Variants in TCF25 observed in about 807,000 individuals in gnomAD.
TCF25 encodes TCF25 ribosome quality control complex subunit, also known as ribosome quality control complex subunit TCF25.
In TCF25, 41 loss-of-function variants were observed where a neutral mutation model predicts 83.1. That is an observed-to-expected ratio of 0.49 (90% CI 0.38 to 0.64). TCF25 has a LOEUF of 0.64. TCF25 is among the 30% of genes least tolerant of loss of function. The probability of loss-of-function intolerance (pLI) is 0.00; values close to 1 mark genes in which losing one functional copy is unlikely to be tolerated. For synonymous variants in TCF25, 458 were observed against 365.0 expected, an observed-to-expected ratio of 1.25 and a Z score of -2.90; for missense variants, 979 against 914.5, an observed-to-expected ratio of 1.07 and a Z score of -0.91.
At chr16:89,899,034 C>G (rs1386092187) in intron 11 of TCF25, among the ~76,000 whole-genome samples, 162 bp downstream of exon 11, 1 of 152,220 alleles carries the variant, frequency 6.6e-6, no homozygotes, top group Non-Finnish European at 1.5e-5. Context: ...CCCTTGCCGC[C>G]TCTACGGAGT....
At chr16:89,908,461 CCCAGTTCCCACCTG>C in intron 16 of TCF25, among the ~76,000 whole-genome samples, 1 of 148,868 alleles carries the variant, frequency 6.7e-6, no homozygotes, top group African/African-American at 2.5e-5. Context: ...GTTCCCACCT[CCCAGTTCCCACCTG>C]CCAGCTCCCA....
At chr16:89,886,198 C>G (rs1019714313) in intron 4 of TCF25, 7 of 479,338 alleles carry the variant, frequency 1.5e-5, no homozygotes, top group African/African-American at 1.4e-4. Context: ...GAGGCCAAGG[C>G]AGGCGGATCA....
chr16:89,896,423 C>T (rs1047207913), intron 9 of TCF25, among the ~76,000 whole-genome samples: 1 of 152,014 alleles, frequency 6.6e-6, no homozygotes, highest in Non-Finnish European at 1.5e-5. Context: ...TAGAAGTGAG[C>T]CTGGCTGGGC....
chr16:89,883,309 C>A, intron 1 of TCF25, 42 bp from the exon 2 acceptor site: 2 of 1,604,574 alleles, frequency 1.2e-6, no homozygotes, highest in Non-Finnish European at 1.7e-6. Flanking sequence ...AGCGTTCACA[C>A]TGTAAGTAAC....
rs772673723 is a variant in TCF25 at position 89,884,620 on chromosome 16, A to C, written c.393A>C (p.Lys131Asn). 1.8e-5 allele frequency: 29 copies of C among 1,613,634 alleles called. No individual in the cohort carries two copies. The Admixed American group carries it at 2.2e-4, about 12-fold the overall frequency. ...ASGKLRKKKK[K>N]QKNKKSSTGE... is the part of the protein sequence containing the mutation. ...GCAAACTCCGGAAGAAGAAAAAAAA[A>C]CAGAAAAACAAGAAAAGCAGCACGG... The change falls in exon 3 of 18, where the codon AAA (lysine) becomes AAC (asparagine). Residue 131 changes from lysine (K) to asparagine (N), a missense_variant. Physicochemically the swap from Lys to Asn is moderately conservative, Grantham distance 94. Transcript: ENST00000263346.
At chr16:89,895,327 C>A (rs2043763978) in intron 8 of TCF25, among the ~76,000 whole-genome samples, 190 bp downstream of exon 8, 2 of 152,222 alleles carry the variant, frequency 1.3e-5, no homozygotes, top group African/African-American at 4.8e-5. Context: ...ATGCCACAGC[C>A]TCCCGAGTAG....
chr16:89,893,606 C>A (rs2043595318), intron 6 of TCF25, 122 bp from the exon 7 acceptor site: 2 of 1,488,258 alleles, frequency 1.3e-6, no homozygotes, highest in East Asian at 2.3e-5. Flanking sequence ...AGTACACACT[C>A]AGGTCAAGTT....
intron 4 of TCF25, among the ~76,000 whole-genome samples, chr16:89,887,216 C>CAA (rs1347942484): frequency 9.2e-5 from 14 of 151,990 alleles, no homozygotes; most frequent in African/African-American, 3.4e-4. Flanking sequence ...TCCTCCTTAC[C>CAA]CTGTCATCCT....
intron 16 of TCF25, among the ~76,000 whole-genome samples, chr16:89,907,998 TC>T: frequency 9.6e-6 from 1 of 104,012 alleles, no homozygotes. Context: ...GCCTCCCACC[TC>T]CCAGCTACCG....
At chr16:89,898,903 G>A in intron 11 of TCF25, 31 bp downstream of exon 11, 1 of 1,596,908 alleles carries the variant, frequency 6.3e-7, no homozygotes. Context: ...GCCCCGTGGA[G>A]GGACGGACAC....
intron 4 of TCF25, among the ~76,000 whole-genome samples, chr16:89,886,510 C>G (rs1192296830): frequency 3.9e-5 from 6 of 152,024 alleles, no homozygotes; most frequent in Non-Finnish European, 8.8e-5. Context: ...CGCCTGTAAT[C>G]CCAGCACTTT....
chr16:89,906,101 G>C (rs909990568), intron 14 of TCF25, 93 bp from the exon 15 acceptor site: 2 of 1,096,468 alleles, frequency 1.8e-6, no homozygotes, highest in East Asian at 5.2e-5. Context: ...GAGATGCCTC[G>C]TGCTGGGTGG....
chr16:89,894,240 ACACGGCCCCGGACGGCCCCCG>A (rs2043653204), intron 7 of TCF25, among the ~76,000 whole-genome samples: 2 of 145,526 alleles, frequency 1.4e-5, no homozygotes, highest in African/African-American at 5.2e-5. Context: ...GACGGCCCCC[ACACGGCCCCGGACGGCCCCCG>A]CGCAGCCCCA....
intron 16 of TCF25, chr16:89,910,243 T>G: frequency 3.1e-6 from 1 of 318,514 alleles, no homozygotes; most frequent in Non-Finnish European, 6.0e-6. Context: ...GCGTAAGGAG[T>G]GGGTGCTGAA....
Position 89,885,991 on chromosome 16 carries a change from GCTGCCCTTCTC to G in TCF25, c.548+26_548+36del, listed in dbSNP as rs762329075. Reference sequence around the variant, plus strand: ...GGTGTGGCCCCCGCCCTTCTCTGCGGCTGCCCTTCTCTGCGGCTGCCCTTCTCTGCGGCTGC... The same window carrying G: ...GGTGTGGCCCCCGCCCTTCTCTGCGGTGCGGCTGCCCTTCTCTGCGGCTGC... On this transcript the variant is annotated intron_variant, in intron 4 of 17. Coordinates refer to ENST00000263346, the MANE Select transcript of TCF25 (RefSeq NM_014972.3). 7 of 1,589,734 alleles carry G rather than the reference GCTGCCCTTCTC, an allele frequency of 4.4e-6. No homozygotes were observed. The South Asian group carries it at 7.9e-5, about 18-fold the overall frequency.
intron 1 of TCF25, chr16:89,878,356 CG>C: frequency 9.3e-7 from 1 of 1,071,680 alleles, no homozygotes; most frequent in Non-Finnish European, 1.2e-6. Context: ...GAGGCCAAGG[CG>C]GGTGGACCAC....
chr16:89,881,726 T>C (rs2042622673), intron 1 of TCF25, among the ~76,000 whole-genome samples: 1 of 152,060 alleles, frequency 6.6e-6, no homozygotes, highest in Non-Finnish European at 1.5e-5. Context: ...ATTATAGGCA[T>C]GAGCCACCAC....
intron 1 of TCF25, chr16:89,878,569 A>C: frequency 5.1e-6 from 6 of 1,177,988 alleles, no homozygotes; most frequent in Non-Finnish European, 6.4e-6. Context: ...CGTGGACAAG[A>C]ACCTTGTGAA....
chr16:89,892,261 G>A lies in TCF25; in HGVS notation c.683G>A (p.Arg228His), dbSNP rs751445957. The A allele has an allele frequency of 1.3e-5, 21 of 1,612,044 alleles. No individual in the cohort carries two copies. Among genetic ancestry groups the A allele is most frequent in the African/African-American group, 4.0e-5 (3 of 74,872 alleles). ...WLTTPKSTWP[R>H]YSKPGLSMRL... The stretch of plus-strand genomic sequence containing the variant: ...ACCACCCCTAAAAGCACCTGGCCCC[G>A]CTACAGCAAACCAGGTGAGGGTCTG... Residue 228 changes from arginine to histidine, a missense_variant, in exon 6 of 18, where the codon CGC (arginine) becomes CAC (histidine). By Grantham distance (29) the Arg-to-His change is conservative. Coordinates refer to ENST00000263346, the MANE Select transcript of TCF25 (RefSeq NM_014972.3).
Sources: allele counts gnomAD v4.1 joint callset (sites outside exome capture counted in the v4.1 genomes callset), GRCh38; gene constraint gnomAD v4.1.1; transcripts MANE v1.5; gene names NCBI Gene and HGNC (gene_info 2026-07-23, HGNC 2026-07-21).